The following UBAP1 variants were observed in gnomAD, a reference collection of about 807,000 sequenced individuals.
UBAP1 encodes ubiquitin-associated protein 1.
A neutral mutation model predicts 39.0 loss-of-function variants in UBAP1; 5 were observed. The observed-to-expected ratio is 0.13, with a 90% CI of 0.07 to 0.27. The LOEUF (loss-of-function observed/expected upper bound fraction) is 0.27. Ranked by LOEUF, UBAP1 falls within the 10% of genes least tolerant of loss-of-function variation. UBAP1 has a pLI of 1.00. For missense variants in UBAP1, 490 were observed against 608.1 expected (o/e 0.81, Z 2.04); for synonymous variants, 211 against 225.1 (o/e 0.94, Z 0.56).
chr9:34,211,844 C>T (rs73496356), intron 1 of UBAP1: 4,103 of 177,840 alleles, frequency 0.023, 126 homozygotes, highest in East Asian at 0.15. Context: ...ATTCTTTGTT[C>T]TTTTTTCTGA....
At chr9:34,192,026 T>C (rs1174084068) in intron 1 of UBAP1, 1 of 151,576 alleles carries the variant, frequency 6.6e-6, no homozygotes, top group Admixed American at 6.6e-5. Context: ...TTTTTTTTTT[T>C]AGTGATGGGG....
intron 1 of UBAP1, among the ~76,000 whole-genome samples, chr9:34,196,326 T>C (rs1831051791): frequency 6.6e-6 from 1 of 151,334 alleles, no homozygotes; most frequent in Admixed American, 6.6e-5. Flanking sequence ...ATTTTTTTTT[T>C]TTTTTGGAGA....
At chr9:34,235,680 A>C (rs1419195056) in intron 3 of UBAP1, among the ~76,000 whole-genome samples, 1 of 151,864 alleles carries the variant, frequency 6.6e-6, no homozygotes, top group Admixed American at 6.6e-5. Flanking sequence ...CTAAGTGTAC[A>C]GTGTTTATAA....
At chr9:34,195,998 C>T (rs1188897565) in intron 1 of UBAP1, among the ~76,000 whole-genome samples, 1 of 118,098 alleles carries the variant, frequency 8.5e-6, no homozygotes, top group Admixed American at 1.2e-4. Context: ...CTAGGCTGGC[C>T]TCCAACTTTT....
chr9:34,251,590 G>GC lies in UBAP1; in HGVS notation c.*61dup, dbSNP rs982046487. 1.5e-5 allele frequency: 23 copies of GC among 1,578,202 alleles called. No homozygotes were observed. Among genetic ancestry groups the GC allele is most frequent in the African/African-American group, 2.7e-5 (2 of 73,400 alleles). On this transcript the variant is annotated 3_prime_UTR_variant, in exon 7 of 7. Transcript: ENST00000297661. ...CACCATCCCTGGGAGGCCCTGCAGA[G>GC]CCCACCTGTGGGGAAAGAGAAGGGG...
At chr9:34,238,439 A>G (rs929424676) in intron 3 of UBAP1, among the ~76,000 whole-genome samples, 3 of 152,126 alleles carry the variant, frequency 2.0e-5, no homozygotes, top group Non-Finnish European at 4.4e-5. Flanking sequence ...AAGAACTGCT[A>G]TTTTTCCAAA....
At chr9:34,182,556 C>G (rs1830101536) in intron 1 of UBAP1, among the ~76,000 whole-genome samples, 1 of 152,124 alleles carries the variant, frequency 6.6e-6, no homozygotes, top group South Asian at 2.1e-4. Flanking sequence ...TATCATTAGC[C>G]TTGAGTGTAA....
At chr9:34,196,616 A>AT (rs1027811092) in intron 1 of UBAP1, among the ~76,000 whole-genome samples, 22 of 151,068 alleles carry the variant, frequency 1.5e-4, no homozygotes, top group Admixed American at 1.3e-4. Context: ...AGCCTAAATA[A>AT]TTTTTTTTAA....
intron 2 of UBAP1, among the ~76,000 whole-genome samples, chr9:34,233,758 C>T (rs978774164): frequency 6.6e-6 from 1 of 151,740 alleles, no homozygotes; most frequent in Non-Finnish European, 1.5e-5. Context: ...TTAAGTAGGG[C>T]GGGTCAGGGT....
At chr9:34,180,189 GTTCT>G (rs1277859555) in intron 1 of UBAP1, among the ~76,000 whole-genome samples, 1 of 152,122 alleles carries the variant, frequency 6.6e-6, no homozygotes, top group Non-Finnish European at 1.5e-5. Context: ...GTGATATATA[GTTCT>G]TTCTAGTTAA....
rs183621160 is a variant in UBAP1 at position 34,204,473 on chromosome 9, T to C, written c.-7-16435T>C. ...AGTATACACAGTCCACACCCATTTT[T>C]TTTTTTGAAGAAAACACCCGTTTGT... is the stretch of plus-strand genomic sequence containing the variant. On this transcript the variant is annotated intron_variant, in intron 1 of 6. Coordinates refer to ENST00000297661, the MANE Select transcript of UBAP1 (RefSeq NM_016525.5). Among the ~76,000 whole-genome samples the C allele has an allele frequency of 5.8e-3, 883 of 152,330 alleles. 8 individuals are homozygous for C. The highest frequency in any genetic ancestry group is 0.01 in the Non-Finnish European group (706 of 68,028).
At chr9:34,229,399 A>C (rs1206170202) in intron 2 of UBAP1, among the ~76,000 whole-genome samples, 1 of 151,892 alleles carries the variant, frequency 6.6e-6, no homozygotes, top group African/African-American at 2.4e-5. Context: ...CTGGGATTAC[A>C]GGCACACACC....
chr9:34,249,099 C>T (rs1834332268), intron 4 of UBAP1, among the ~76,000 whole-genome samples: 1 of 152,166 alleles, frequency 6.6e-6, no homozygotes, highest in Non-Finnish European at 1.5e-5. Context: ...AGTCCAGATT[C>T]CAGTCTGTGG....
At chr9:34,202,256 C>T (rs559846139) in intron 1 of UBAP1, among the ~76,000 whole-genome samples, 290 of 152,186 alleles carry the variant, frequency 1.9e-3, no homozygotes, top group Admixed American at 4.6e-3. Context: ...CCTCCACCTC[C>T]GAGTAGCTGG....
At chr9:34,227,589 C>G (rs1015890977) in intron 2 of UBAP1, among the ~76,000 whole-genome samples, 1 of 152,164 alleles carries the variant, frequency 6.6e-6, no homozygotes, top group Non-Finnish European at 1.5e-5. Context: ...AGAAACAAAG[C>G]AAATGAAGTC....
chr9:34,243,204 A>G (rs1028995973), intron 4 of UBAP1, among the ~76,000 whole-genome samples: 2 of 152,210 alleles, frequency 1.3e-5, no homozygotes, highest in Non-Finnish European at 2.9e-5. Context: ...TGAATGCTTT[A>G]GAGAAATTAA....
intron 5 of UBAP1, among the ~76,000 whole-genome samples, 171 bp from the exon 6 acceptor site, chr9:34,250,487 A>G (rs1834425787): frequency 6.6e-6 from 1 of 152,148 alleles, no homozygotes; most frequent in Non-Finnish European, 1.5e-5. Context: ...TTAAAGAGTC[A>G]CTGGGGTCCT....
intron 1 of UBAP1, among the ~76,000 whole-genome samples, chr9:34,200,730 G>T (rs547975533): frequency 6.6e-6 from 1 of 152,116 alleles, no homozygotes; most frequent in South Asian, 2.1e-4. Flanking sequence ...TTATTTATTT[G>T]TCTGTTTCTG....
chr9:34,204,739 A>G (rs1831590129), intron 1 of UBAP1, among the ~76,000 whole-genome samples: 1 of 151,984 alleles, frequency 6.6e-6, no homozygotes, highest in South Asian at 2.1e-4. Flanking sequence ...TAATTGCCTC[A>G]GGTGCTCTTG....
Sources: allele counts gnomAD v4.1 joint callset (sites outside exome capture counted in the v4.1 genomes callset), GRCh38; gene constraint gnomAD v4.1.1; transcripts MANE v1.5; gene names NCBI Gene and HGNC (gene_info 2026-07-23, HGNC 2026-07-21).